The following NHS variants were observed in gnomAD, a reference collection of about 807,000 sequenced individuals.
NHS encodes NHS actin remodeling regulator, also known as actin remodeling regulator NHS.
A neutral mutation model predicts 72.5 loss-of-function variants in NHS; 5 were observed. That is an observed-to-expected ratio of 0.07 (90% CI 0.04 to 0.14). The LOEUF is 0.14. Among genes scored for constraint, NHS ranks in the 10% least tolerant of loss-of-function variants. The pLI is 1.00. For missense variants in NHS, 1,072 were observed against 1,355.7 expected, an observed-to-expected ratio of 0.79 and a Z score of 3.29; for synonymous variants, 464 against 547.7, an observed-to-expected ratio of 0.85 and a Z score of 2.13.
At chrX:17,635,445 C>A in intron 1 of NHS, 3 of 1,165,374 alleles carry the variant, frequency 2.6e-6, no homozygotes, top group Non-Finnish European at 3.4e-6. Flanking sequence ...CCTCTCTCGC[C>A]CTCCATCCCC....
chrX:17,547,204 G>T (rs2044408795), intron 1 of NHS, among the ~76,000 whole-genome samples: 1 of 112,342 alleles, frequency 8.9e-6, no homozygotes, highest in African/African-American at 3.2e-5. Flanking sequence ...CCACATGGGT[G>T]TCCTCATTTG....
chrX:17,679,631 AG>A (rs2066111391), intron 1 of NHS, among the ~76,000 whole-genome samples: 1 of 110,946 alleles, frequency 9.0e-6, no homozygotes, highest in African/African-American at 3.3e-5. Flanking sequence ...CTTGGAGGGT[AG>A]ATAGATGGCA....
At chrX:17,651,098 T>C (rs1006541295) in intron 1 of NHS, among the ~76,000 whole-genome samples, 2 of 112,500 alleles carry the variant, frequency 1.8e-5, no homozygotes, top group Admixed American at 1.9e-4. Flanking sequence ...TTCCCAAGGC[T>C]ACAAATAATT....
intron 1 of NHS, among the ~76,000 whole-genome samples, chrX:17,627,990 A>G (rs1046536779): frequency 8.9e-6 from 1 of 112,807 alleles, no homozygotes; most frequent in African/African-American, 3.2e-5. Flanking sequence ...GGGTCAAAGT[A>G]ATATGTTGTG....
intron 1 of NHS, among the ~76,000 whole-genome samples, chrX:17,389,632 C>T (rs1024876303): frequency 9.8e-6 from 1 of 101,582 alleles, no homozygotes; most frequent in South Asian, 3.9e-4. Flanking sequence ...GACAGAGTCT[C>T]GCCCTGTCAT....
At chrX:17,533,362 C>T (rs891718217) in intron 1 of NHS, among the ~76,000 whole-genome samples, 1 of 111,948 alleles carries the variant, frequency 8.9e-6, no homozygotes, top group Non-Finnish European at 1.9e-5. Flanking sequence ...TCATGGCTCA[C>T]TGTAGCCTCG....
intron 1 of NHS, among the ~76,000 whole-genome samples, chrX:17,398,769 A>C (rs1475326471): frequency 8.9e-6 from 1 of 112,005 alleles, no homozygotes; most frequent in East Asian, 2.8e-4. Flanking sequence ...TCAACAGAGC[A>C]GGGAAGCATG....
intron 1 of NHS, among the ~76,000 whole-genome samples, chrX:17,548,173 T>G (rs1269641237): frequency 8.9e-6 from 1 of 111,814 alleles, no homozygotes; most frequent in Non-Finnish European, 1.9e-5. Context: ...GAGGCTTGTT[T>G]CCACAAGGGG....
intron 1 of NHS, among the ~76,000 whole-genome samples, chrX:17,669,470 G>A (rs2066031587): frequency 8.9e-6 from 1 of 112,062 alleles, no homozygotes; most frequent in South Asian, 3.7e-4. Context: ...TGATGTTTCT[G>A]GGGACTTAAA....
Position 17,654,252 on chromosome X carries a change from ACCCAC to A in NHS, c.566-33487_566-33483del, listed in dbSNP as rs762757251. Among the ~76,000 whole-genome samples, 54 of 109,158 alleles carry A rather than the reference ACCCAC, an allele frequency of 4.9e-4. 4 individuals carry two copies. The highest frequency in any genetic ancestry group is 4.6e-3 in the East Asian group (16 of 3,461). The allele number at this position is 109,158 out of a possible 115,157, so 94.8% of individuals were successfully genotyped here. A position where few individuals can be genotyped will look rare whatever the true frequency, so the allele number is the denominator to read the frequency against. On this transcript the variant is annotated intron_variant, in intron 1 of 8. Coordinates refer to ENST00000676302, the MANE Select transcript of NHS (RefSeq NM_001291867.2). ...TTCCTCTCTGATGACCTTTTCCTTT[ACCCAC>A]CCACCCCTTAAACCTTGGGGTGCAT...
intron 1 of NHS, among the ~76,000 whole-genome samples, chrX:17,541,767 A>AACACACACACACACGC (rs2065264656): frequency 1.6e-5 from 1 of 62,902 alleles, no homozygotes; most frequent in Non-Finnish European, 2.8e-5. Context: ...TGAGTTTGCG[A>AACACACACACACACGC]ACACACACAC....
chrX:17,687,850 A>G lies in NHS; in HGVS notation c.674A>G (p.Glu225Gly). 2 of 1,211,653 alleles carry G rather than the reference A, an allele frequency of 1.7e-6. No homozygotes were observed. The highest frequency in any genetic ancestry group is 2.2e-6 in the Non-Finnish European group (2 of 895,443). The change falls in exon 2 of 9, where the codon GAG becomes GGG. Residue 225 changes from glutamate (E) to glycine (G), a missense_variant. Physicochemically the swap from Glu to Gly is moderately conservative, Grantham distance 98 (BLOSUM62 -2). Coordinates refer to ENST00000676302, the MANE Select transcript of NHS (RefSeq NM_001291867.2). ...LPATRPPCVE[E>G]LHRHARQSLQ... ...GCCACAAGGCCACCCTGCGTGGAGG[A>G]GCTGCACCGCCACGCCCGGCAGAGC...
intron 1 of NHS, among the ~76,000 whole-genome samples, chrX:17,436,612 T>TAA (rs758191311): frequency 4.7e-4 from 40 of 85,772 alleles, no homozygotes; most frequent in African/African-American, 1.6e-3. Flanking sequence ...ATATTTAGGC[T>TAA]AAAAAAAAAA....
At chrX:17,716,744 A>G (rs748073331) in intron 3 of NHS, among the ~76,000 whole-genome samples, 6 of 111,303 alleles carry the variant, frequency 5.4e-5, no homozygotes, top group African/African-American at 2.0e-4. Context: ...ACTTAGAAAA[A>G]TAGAACAGAA....
chrX:17,636,919 C>CAT (rs2065851748), intron 1 of NHS, among the ~76,000 whole-genome samples: 2 of 111,933 alleles, frequency 1.8e-5, no homozygotes, highest in African/African-American at 3.3e-5. Context: ...TCCCTAATAT[C>CAT]ATATATATTT....
chrX:17,620,751 G>A (rs1215633568), intron 1 of NHS, among the ~76,000 whole-genome samples: 1 of 111,714 alleles, frequency 9.0e-6, no homozygotes, highest in Non-Finnish European at 1.9e-5. Context: ...AATCTGGGAG[G>A]AGAATATTCT....
intron 1 of NHS, among the ~76,000 whole-genome samples, chrX:17,645,211 C>G (rs1206358756): frequency 1.8e-5 from 2 of 111,431 alleles, no homozygotes; most frequent in African/African-American, 6.5e-5. Flanking sequence ...AAACTATCTT[C>G]TTGAGTTATG....
At chrX:17,408,970 A>G (rs936859412) in intron 1 of NHS, among the ~76,000 whole-genome samples, 2 of 111,033 alleles carry the variant, frequency 1.8e-5, no homozygotes, top group African/African-American at 6.6e-5. Flanking sequence ...AGAGAGAGAG[A>G]GAGAGAGAGC....
chrX:17,376,021 G>A lies in NHS; in HGVS notation c.264G>A (p.Ala88=). 1 of 1,082,127 alleles carries A rather than the reference G, an allele frequency of 9.2e-7. No individual in the cohort carries two copies. Among genetic ancestry groups the A allele is most frequent in the Non-Finnish European group, 1.2e-6 (1 of 836,781 alleles). 89.2% of individuals were successfully genotyped at this position (1,082,127 alleles called of 1,213,427 possible). ...AGACTCAGCCGCCGCACGGAGAGGC[G>A]TCCGTGGCTGGCGAGGAGAGCACGG... ...ADQTQPPHGE[A]SVAGEESTAG... is the part of the protein sequence containing the mutation. Residue 88 remains alanine, a synonymous_variant, in exon 1 of 9, where the codon GCG becomes GCA. Transcript: ENST00000676302.
Sources: gnomAD v4.1 joint callset for allele counts (sites outside exome capture counted in the v4.1 genomes callset) on GRCh38, gnomAD v4.1.1 for gene constraint, MANE v1.5 for transcripts, NCBI Gene and HGNC (gene_info 2026-07-23, HGNC 2026-07-21) for gene names.